PHIP: variants seen among roughly 807,000 people sequenced by gnomAD.
The protein encoded by PHIP is PH-interacting protein.
In PHIP, 54 loss-of-function variants were observed where a neutral mutation model predicts 236.8. The observed-to-expected ratio is 0.23, with a 90% CI of 0.18 to 0.29. The LOEUF is 0.29. PHIP is among the 10% of genes least tolerant of loss of function. The pLI, the probability that PHIP is intolerant of heterozygous loss-of-function variation, is 1.00. For missense variants in PHIP, 1,370 were observed against 2,190.8 expected (o/e 0.63, Z 7.48); for synonymous variants, 756 against 718.9 (o/e 1.05, Z -0.83).
At position 79,039,085 on chromosome 6, in the gene PHIP, G is replaced by T. The variant is rs1007112562; in HGVS notation, c.600+3758C>A. On this transcript the variant is annotated intron_variant, in intron 7 of 39. Coordinates refer to ENST00000275034, the MANE Select transcript of PHIP (RefSeq NM_017934.7). Reference sequence around the variant, plus strand: ...CTTTTTGCCAATTTCTCTGTATATAGAGTTAGTTTGAATCCATCTTCTACA... The same window carrying T: ...CTTTTTGCCAATTTCTCTGTATATATAGTTAGTTTGAATCCATCTTCTACA... Among the ~76,000 whole-genome samples the T allele has an allele frequency of 3.3e-5, 5 of 152,110 alleles. No homozygotes were observed. The East Asian group carries it at 7.7e-4, about 24-fold the overall frequency.
rs1369466541 is a variant in PHIP, at chr6:78,941,218, A to C, written c.4941T>G (p.Val1647=). The change falls in exon 40 of 40, where the codon GTT becomes GTG. Residue 1647 remains valine, a synonymous_variant. Coordinates refer to ENST00000275034, the MANE Select transcript of PHIP (RefSeq NM_017934.7). ...GTATAATTTCACCACTATTGGTATTAACTTCTACTTTAGGTTTCCTTCCAG... is the reference window on the plus strand; with the variant it reads ...GTATAATTTCACCACTATTGGTATTCACTTCTACTTTAGGTTTCCTTCCAG... ...RGPGRKPKVE[V]NTNSGEIIHK... 1 of 1,613,906 alleles carries C rather than the reference A, an allele frequency of 6.2e-7. No individual in the cohort carries two copies. The highest frequency in any genetic ancestry group is 1.7e-5 in the Admixed American group (1 of 60,002).
At chr6:78,985,029 A>T (rs1582168790) in intron 22 of PHIP, among the ~76,000 whole-genome samples, 1 of 152,160 alleles carries the variant, frequency 6.6e-6, no homozygotes, top group Non-Finnish European at 1.5e-5. Flanking sequence ...TTAACTCAGG[A>T]GGCTTGCATT....
intron 24 of PHIP, 58 bp from the exon 25 acceptor site, chr6:78,970,946 A>C: frequency 8.7e-7 from 1 of 1,148,180 alleles, no homozygotes; most frequent in Non-Finnish European, 1.3e-6. Context: ...TCCAATATAC[A>C]GGGTATCAGC....
At chr6:79,052,823 C>T (rs1772864463) in intron 6 of PHIP, among the ~76,000 whole-genome samples, 1 of 152,112 alleles carries the variant, frequency 6.6e-6, no homozygotes, top group South Asian at 2.1e-4. Flanking sequence ...AATTCAAACA[C>T]CTGCTATTAC....
At chr6:79,067,020 C>CT (rs1773656392) in intron 4 of PHIP, among the ~76,000 whole-genome samples, 1 of 152,086 alleles carries the variant, frequency 6.6e-6, no homozygotes, top group Admixed American at 6.6e-5. Context: ...TCCAGAGCAG[C>CT]TGAGACTATA....
intron 7 of PHIP, among the ~76,000 whole-genome samples, chr6:79,028,215 C>G (rs984721577): frequency 6.6e-6 from 1 of 151,880 alleles, no homozygotes; most frequent in African/African-American, 2.4e-5. Flanking sequence ...AGGCCTTTTA[C>G]GGTTTACTAA....
intron 17 of PHIP, among the ~76,000 whole-genome samples, chr6:79,000,904 T>A (rs1769946274): frequency 6.6e-6 from 1 of 152,062 alleles, no homozygotes. Flanking sequence ...CCATTCTAAG[T>A]GGACGTGTCT....
At position 79,005,981 on chromosome 6, in the gene PHIP, T is replaced by C. The variant is rs570542233; in HGVS notation, c.1525-2123A>G. Among the ~76,000 whole-genome samples the C allele has an allele frequency of 1.1e-3, 166 of 152,140 alleles. 1 individual carries two copies. In the Middle Eastern group the frequency reaches 0.014, roughly 12 times the overall value. ...AAATAGCAATCATATTTAAGATGCC[T>C]GTGTGTCCTATATAACACATTTCAT... is the stretch of plus-strand genomic sequence containing the variant. On this transcript the variant is annotated intron_variant, in intron 15 of 39. Coordinates refer to ENST00000275034, the MANE Select transcript of PHIP (RefSeq NM_017934.7).
chr6:78,946,069 G>T lies in PHIP; in HGVS notation c.4562C>A (p.Pro1521Gln), dbSNP rs1291410366. ...AGTCTTTGCAGCTGAAGAAGTAGAT[G>T]GTTGCTCAGTGACAACTGGATCTAC... ...VVVDPVVTEQ[P>Q]STSSAAKTFI... The change falls in exon 38 of 40, where the codon CCA (proline) becomes CAA (glutamine). Residue 1521 changes from proline to glutamine, a missense_variant. Pro to Gln is a moderately conservative substitution (Grantham distance 76). Coordinates refer to ENST00000275034, the MANE Select transcript of PHIP (RefSeq NM_017934.7). 2 of 1,611,868 alleles carry T rather than the reference G, an allele frequency of 1.2e-6. No individual in the cohort carries two copies. Among genetic ancestry groups the T allele is most frequent in the South Asian group, 1.1e-5 (1 of 91,046 alleles).
rs949733070 is a variant in PHIP, at chr6:78,939,450, A to C, written c.*1243T>G. The C allele has an allele frequency of 6.6e-6, 1 of 151,898 alleles. No individual in the cohort carries two copies. Among genetic ancestry groups the C allele is most frequent in the Admixed American group, 6.6e-5 (1 of 15,254 alleles). The allele number at this position is 151,898 out of a possible 1,614,324, so 9.4% of individuals were successfully genotyped here. On this transcript the variant is annotated 3_prime_UTR_variant, in exon 40 of 40. Transcript: ENST00000275034. The stretch of plus-strand genomic sequence containing the variant: ...AGTGATTTGGCCTATTTTAACCTTT[A>C]ATAATTGAAAATAACCAATTTCCCC...
chr6:78,965,986 T>C lies in PHIP; in HGVS notation c.3276A>G (p.Gln1092=). 1 of 1,613,366 alleles carries C rather than the reference T, an allele frequency of 6.2e-7. No homozygotes were observed. The highest frequency in any genetic ancestry group is 8.5e-7 in the Non-Finnish European group (1 of 1,179,326). The change falls in exon 28 of 40, where the codon CAA becomes CAG. Residue 1092 remains glutamine (Q), a synonymous_variant. Transcript: ENST00000275034. ...FGTIESQEPL[Q]LEYPDSLFQC... ...GAAACAGACTATCAGGGTACTCAAG[T>C]TGAAGAGGTTCCTGGCTTTCGATTG...
chr6:79,002,864 A>G (rs1223842316), intron 16 of PHIP, among the ~76,000 whole-genome samples: 1 of 152,102 alleles, frequency 6.6e-6, no homozygotes, highest in African/African-American at 2.4e-5. Context: ...ATTACTATAA[A>G]AATCACATAA....
chr6:79,052,236 G>A (rs1772830849), intron 6 of PHIP, among the ~76,000 whole-genome samples: 1 of 152,176 alleles, frequency 6.6e-6, no homozygotes, highest in African/African-American at 2.4e-5. Context: ...TTTAAACTAA[G>A]ACCTGAAAAA....
chr6:78,979,006 T>C (rs1768319618), intron 23 of PHIP, among the ~76,000 whole-genome samples: 1 of 152,094 alleles, frequency 6.6e-6, no homozygotes, highest in African/African-American at 2.4e-5. Flanking sequence ...GTAGGCACTG[T>C]AGTAGGTATT....
Position 78,978,726 on chromosome 6 carries a change from GTAA to G in PHIP, c.2770-18_2770-16del, listed in dbSNP as rs772320007. The G allele has an allele frequency of 3.2e-6, 5 of 1,581,550 alleles. No individual in the cohort carries two copies. The South Asian group carries it at 5.7e-5, about 18-fold the overall frequency. ...ACAGCCAATCTCTGACAAAATTTAA[GTAA>G]TAATTGTTAAGTAATAATCAAAAAA... On this transcript the variant is annotated splice_polypyrimidine_tract_variant and intron_variant, in intron 23 of 39. Transcript: ENST00000275034.
chr6:78,999,416 T>A (rs979688695), intron 17 of PHIP, among the ~76,000 whole-genome samples: 3 of 152,140 alleles, frequency 2.0e-5, no homozygotes, highest in Admixed American at 6.6e-5. Flanking sequence ...CCTCTTTCAC[T>A]TCCTTAAACA....
At chr6:78,996,122 C>T (rs1769598790) in intron 19 of PHIP, among the ~76,000 whole-genome samples, 1 of 152,176 alleles carries the variant, frequency 6.6e-6, no homozygotes, top group Non-Finnish European at 1.5e-5. Context: ...CTGACTCATT[C>T]CTCTCCAGAG....
intron 7 of PHIP, among the ~76,000 whole-genome samples, chr6:79,031,604 C>T (rs1771673937): frequency 1.3e-5 from 2 of 152,250 alleles, no homozygotes; most frequent in Admixed American, 1.3e-4. Context: ...CTAAAATTAG[C>T]TTAGTCTACT....
intron 19 of PHIP, among the ~76,000 whole-genome samples, chr6:78,996,919 T>C (rs189845817): frequency 2.0e-5 from 3 of 151,890 alleles, no homozygotes; most frequent in Non-Finnish European, 4.4e-5. Flanking sequence ...TCTAAGAGAA[T>C]AGAATTTTAT....
Sources: allele counts gnomAD v4.1 joint callset (sites outside exome capture counted in the v4.1 genomes callset), GRCh38; gene constraint gnomAD v4.1.1; transcripts MANE v1.5; gene names NCBI Gene and HGNC (gene_info 2026-07-23, HGNC 2026-07-21).